PDLIM5: variants seen among roughly 807,000 people sequenced by gnomAD.
PDLIM5 encodes PDZ and LIM domain protein 5.
A neutral mutation model predicts 64.2 loss-of-function variants in PDLIM5; 34 were observed. The ratio of observed to expected loss-of-function variants is 0.53; its 90% CI spans 0.40 to 0.71. The LOEUF (loss-of-function observed/expected upper bound fraction) is 0.71, where lower values mean the gene tolerates loss of function less well. PDLIM5 is among the 30% of genes least tolerant of loss of function. The pLI, the probability that PDLIM5 is intolerant of heterozygous loss-of-function variation, is 0.00. For synonymous variants in PDLIM5, 253 were observed against 269.1 expected (o/e 0.94, Z 0.59); for missense variants, 683 against 733.6 (o/e 0.93, Z 0.80).
At chr4:94,459,942 T>G (rs972922620) in intron 2 of PDLIM5, among the ~76,000 whole-genome samples, 1 of 152,198 alleles carries the variant, frequency 6.6e-6, no homozygotes, top group African/African-American at 2.4e-5. Context: ...AGCTGCAGTT[T>G]CCCTCCTACC....
chr4:94,539,704 T>C (rs997739587), intron 3 of PDLIM5, among the ~76,000 whole-genome samples: 4 of 152,086 alleles, frequency 2.6e-5, no homozygotes, highest in African/African-American at 4.8e-5. Flanking sequence ...CCAGGAGATA[T>C]TGCATGAATT....
rs148210418 is a variant in PDLIM5, at chr4:94,639,218, A to G, written c.1109-1058A>G. Reference sequence around the variant, plus strand: ...AGGCAGTTTAGTGTTCTTGGAGCATAAAGTGAAAGGCAAAGAGCAGTGTAA... The same window carrying G: ...AGGCAGTTTAGTGTTCTTGGAGCATGAAGTGAAAGGCAAAGAGCAGTGTAA... On this transcript the variant is annotated intron_variant, in intron 8 of 12. Transcript: ENST00000317968. Among the ~76,000 whole-genome samples the G allele has an allele frequency of 2.0e-5, 3 of 152,282 alleles. No individual in the cohort carries two copies. The East Asian group carries it at 5.8e-4, about 29-fold the overall frequency.
At chr4:94,606,283 TAAC>T (rs1278742148) in intron 7 of PDLIM5, among the ~76,000 whole-genome samples, 3 of 152,110 alleles carry the variant, frequency 2.0e-5, no homozygotes, top group Admixed American at 1.3e-4. Flanking sequence ...ATAATAATAA[TAAC>T]AAATTATATG....
intron 7 of PDLIM5, chr4:94,611,257 C>T (rs1738341551): frequency 7.1e-7 from 1 of 1,413,498 alleles, no homozygotes; most frequent in East Asian, 2.5e-5. Flanking sequence ...ACTGCTTTCT[C>T]TAACACTCCA....
chr4:94,528,628 T>C (rs1255710348), intron 3 of PDLIM5, among the ~76,000 whole-genome samples: 1 of 152,166 alleles, frequency 6.6e-6, no homozygotes, highest in South Asian at 2.1e-4. Flanking sequence ...TCTGAACTCT[T>C]ACTATGTGCC....
chr4:94,527,879 GA>G (rs1419983770), intron 3 of PDLIM5, among the ~76,000 whole-genome samples: 1 of 152,222 alleles, frequency 6.6e-6, no homozygotes, highest in African/African-American at 2.4e-5. Context: ...TGCTTCCAAA[GA>G]AAGTTACTGG....
chr4:94,593,762 T>A (rs1391011867), intron 7 of PDLIM5, among the ~76,000 whole-genome samples: 2 of 152,222 alleles, frequency 1.3e-5, no homozygotes, highest in Non-Finnish European at 1.5e-5. Context: ...TGTATACTAA[T>A]CCTCATTTTG....
At position 94,637,513 on chromosome 4, in the gene PDLIM5, C is replaced by T. The variant is rs149710123; in HGVS notation, c.1109-2763C>T. Among the ~76,000 whole-genome samples the T allele has an allele frequency of 8.5e-3, 1,294 of 152,206 alleles. 15 individuals are homozygous for T. The highest frequency in any genetic ancestry group is 0.029 in the African/African-American group (1,224 of 41,522). ...GGTGGAGGTTGCAGTGAGCAGAGATCGTGCCGTTGCACTCCAGCCTGGGCG... is the reference window on the plus strand; with the variant it reads ...GGTGGAGGTTGCAGTGAGCAGAGATTGTGCCGTTGCACTCCAGCCTGGGCG... On this transcript the variant is annotated intron_variant, in intron 8 of 12. Transcript: ENST00000317968.
At chr4:94,595,206 G>A (rs564392077) in intron 7 of PDLIM5, among the ~76,000 whole-genome samples, 169 of 152,122 alleles carry the variant, frequency 1.1e-3, no homozygotes, top group Non-Finnish European at 2.1e-3. Context: ...CAACACGTGG[G>A]GATTACAATT....
intron 8 of PDLIM5, among the ~76,000 whole-genome samples, chr4:94,624,278 A>G (rs1025370651): frequency 2.6e-5 from 4 of 152,100 alleles, no homozygotes; most frequent in Non-Finnish European, 5.9e-5. Flanking sequence ...GGATTGTGCC[A>G]CTGCACTCCA....
At chr4:94,656,056 A>G (rs901282213) in intron 10 of PDLIM5, among the ~76,000 whole-genome samples, 3 of 152,136 alleles carry the variant, frequency 2.0e-5, no homozygotes, top group African/African-American at 7.2e-5. Flanking sequence ...TTTTATTTTG[A>G]TATTTTTTAT....
chr4:94,482,439 C>T (rs1362451244), intron 2 of PDLIM5, among the ~76,000 whole-genome samples: 1 of 152,112 alleles, frequency 6.6e-6, no homozygotes, highest in African/African-American at 2.4e-5. Context: ...TGCAAGTGTG[C>T]AAAGAGCTGT....
intron 2 of PDLIM5, among the ~76,000 whole-genome samples, chr4:94,501,879 T>A (rs2452561): frequency 1.3e-5 from 2 of 152,056 alleles, no homozygotes; most frequent in African/African-American, 4.8e-5. Flanking sequence ...CCATCAGGGA[T>A]GGGAGAAAAA....
chr4:94,569,734 C>T (rs1423127056), intron 3 of PDLIM5, among the ~76,000 whole-genome samples: 5 of 152,114 alleles, frequency 3.3e-5, no homozygotes, highest in Admixed American at 3.3e-4. Flanking sequence ...CGGTTGAGTG[C>T]CTGGCACATA....
At chr4:94,650,859 G>A (rs1227702746) in intron 9 of PDLIM5, among the ~76,000 whole-genome samples, 2 of 151,086 alleles carry the variant, frequency 1.3e-5, no homozygotes, top group African/African-American at 2.4e-5. Flanking sequence ...AGATAAACAG[G>A]GTGAAAAGTT....
chr4:94,564,239 A>G (rs773664113), intron 3 of PDLIM5, among the ~76,000 whole-genome samples: 2 of 151,934 alleles, frequency 1.3e-5, no homozygotes, highest in Admixed American at 6.5e-5. Flanking sequence ...TGGGATTACA[A>G]GCATGAGCCA....
In PDLIM5 at chr4:94,639,891, G is replaced by A. The variant is rs11930565; in HGVS notation, c.1109-385G>A. Among the ~76,000 whole-genome samples, 770 of 152,178 alleles carry A rather than the reference G, an allele frequency of 5.1e-3. 4 individuals are homozygous for A. Among genetic ancestry groups the A allele is most frequent in the African/African-American group, 0.017 (720 of 41,524 alleles). The stretch of plus-strand genomic sequence containing the variant: ...AAAAATACAAAATTAGCCAGGCATG[G>A]TGGTGCATGCCTGTAATCCCAGCTA... On this transcript the variant is annotated intron_variant, in intron 8 of 12. Transcript: ENST00000317968.
At chr4:94,635,910 G>T (rs2110444639) in intron 8 of PDLIM5, among the ~76,000 whole-genome samples, 1 of 152,338 alleles carries the variant, frequency 6.6e-6, no homozygotes, top group African/African-American at 2.4e-5. Context: ...GTGTAGCTTT[G>T]TGTGCAGGCC....
At chr4:94,647,182 C>T (rs1412582840) in intron 9 of PDLIM5, among the ~76,000 whole-genome samples, 2 of 152,098 alleles carry the variant, frequency 1.3e-5, no homozygotes, top group Non-Finnish European at 2.9e-5. Flanking sequence ...ATAAATATAT[C>T]ACACACTCCA....
Sources: gnomAD v4.1 joint callset for allele counts (sites outside exome capture counted in the v4.1 genomes callset) on GRCh38, gnomAD v4.1.1 for gene constraint, MANE v1.5 for transcripts, NCBI Gene and HGNC (gene_info 2026-07-23, HGNC 2026-07-21) for gene names.